The following CSMD1 variants were observed in gnomAD, a reference collection of about 807,000 sequenced individuals.
CSMD1 encodes the protein CUB and Sushi multiple domains 1.
Under a neutral mutation model 417.5 loss-of-function variants are expected in CSMD1, and 213 were observed. That is an observed-to-expected ratio of 0.51 (90% CI 0.46 to 0.57). The LOEUF is 0.57. Ranked by LOEUF, CSMD1 falls within the 20% of genes least tolerant of loss-of-function variation. The pLI is 0.00. For missense variants in CSMD1, 6,923 were observed against 4,529.7 expected, an observed-to-expected ratio of 1.53 and a Z score of -15.17; for synonymous variants, 2,862 against 1,736.8, an observed-to-expected ratio of 1.65 and a Z score of -16.11.
chr8:4,473,258 T>C (rs1216306698), intron 2 of CSMD1, among the ~76,000 whole-genome samples: 1 of 152,202 alleles, frequency 6.6e-6, no homozygotes, highest in Non-Finnish European at 1.5e-5. Flanking sequence ...TTGTAAACTC[T>C]CATGGTTACA....
intron 1 of CSMD1, among the ~76,000 whole-genome samples, chr8:4,665,372 T>C (rs556433086): frequency 2.0e-5 from 3 of 152,288 alleles, no homozygotes; most frequent in African/African-American, 7.2e-5. Context: ...AACCACCCGT[T>C]TTAGGTGAAC....
intron 1 of CSMD1, among the ~76,000 whole-genome samples, chr8:4,770,668 G>C (rs943418225): frequency 6.6e-6 from 1 of 152,018 alleles, no homozygotes; most frequent in Admixed American, 6.6e-5. Context: ...AGCATATATG[G>C]TCAGCTAATT....
At chr8:4,041,768 G>A (rs371631411) in intron 3 of CSMD1, among the ~76,000 whole-genome samples, 1 of 152,042 alleles carries the variant, frequency 6.6e-6, no homozygotes, top group Non-Finnish European at 1.5e-5. Context: ...GGAACATGTT[G>A]TCTTGAGACA....
chr8:4,195,510 T>G (rs928150666), intron 3 of CSMD1, among the ~76,000 whole-genome samples: 1 of 152,222 alleles, frequency 6.6e-6, no homozygotes, highest in Non-Finnish European at 1.5e-5. Flanking sequence ...CATCTCTGTA[T>G]GATCCCCTGC....
chr8:3,619,235 A>C (rs1034216042), intron 7 of CSMD1, among the ~76,000 whole-genome samples: 1 of 152,202 alleles, frequency 6.6e-6, no homozygotes, highest in Non-Finnish European at 1.5e-5. Flanking sequence ...AAACCCAGAC[A>C]GGACATGTAC....
intron 3 of CSMD1, among the ~76,000 whole-genome samples, chr8:4,396,592 A>C (rs991984144): frequency 6.6e-6 from 1 of 151,738 alleles, no homozygotes; most frequent in African/African-American, 2.4e-5. Flanking sequence ...CCCATCAAGC[A>C]ATGAGTGCAT....
chr8:3,722,589 C>A (rs940906900), intron 6 of CSMD1, among the ~76,000 whole-genome samples: 1 of 152,120 alleles, frequency 6.6e-6, no homozygotes, highest in Non-Finnish European at 1.5e-5. Context: ...TAATAACTCA[C>A]CTTAAAAGGA....
At chr8:3,795,276 C>CACATAT (rs1800003352) in intron 5 of CSMD1, among the ~76,000 whole-genome samples, 1 of 54,538 alleles carries the variant, frequency 1.8e-5, no homozygotes, top group South Asian at 5.5e-4. Flanking sequence ...CTATCATGTA[C>CACATAT]AGATATATAT....
intron 1 of CSMD1, among the ~76,000 whole-genome samples, chr8:4,842,753 G>C (rs141078244): frequency 1.3e-5 from 2 of 152,178 alleles, no homozygotes; most frequent in African/African-American, 4.8e-5. Context: ...TATTATGCTA[G>C]CATTGAAAAG....
intron 20 of CSMD1, among the ~76,000 whole-genome samples, chr8:3,361,829 C>T (rs1488666501): frequency 6.6e-6 from 1 of 152,004 alleles, no homozygotes; most frequent in Non-Finnish European, 1.5e-5. Flanking sequence ...CTGAAAGCAA[C>T]TTAGAAGGAC....
chr8:4,090,154 G>C (rs534822127), intron 3 of CSMD1, among the ~76,000 whole-genome samples: 12 of 152,196 alleles, frequency 7.9e-5, no homozygotes, highest in Admixed American at 2.0e-4. Context: ...GTCTTAATTG[G>C]CTTGATACTG....
chr8:3,801,950 G>T (rs1326308536), intron 5 of CSMD1, among the ~76,000 whole-genome samples: 1 of 152,176 alleles, frequency 6.6e-6, no homozygotes, highest in East Asian at 1.9e-4. Flanking sequence ...AACAGAAAAT[G>T]ACTGATAATA....
chr8:3,785,892 C>T (rs757795447), intron 5 of CSMD1, among the ~76,000 whole-genome samples: 2 of 152,190 alleles, frequency 1.3e-5, no homozygotes, highest in African/African-American at 4.8e-5. Context: ...TGTGTCTAAA[C>T]ATTAACAAGA....
At chr8:3,303,766 G>A (rs987401907) in intron 25 of CSMD1, among the ~76,000 whole-genome samples, 7 of 152,148 alleles carry the variant, frequency 4.6e-5, no homozygotes, top group African/African-American at 1.4e-4. Context: ...GAAATATGCT[G>A]GATCTCTTAG....
At chr8:3,377,193 G>A (rs1350885403) in intron 18 of CSMD1, among the ~76,000 whole-genome samples, 1 of 152,102 alleles carries the variant, frequency 6.6e-6, no homozygotes, top group Non-Finnish European at 1.5e-5. Flanking sequence ...GTTTTTTTGT[G>A]TGGAAATGGG....
chr8:3,562,237 G>C (rs1329456739), intron 10 of CSMD1, among the ~76,000 whole-genome samples: 1 of 152,140 alleles, frequency 6.6e-6, no homozygotes, highest in African/African-American at 2.4e-5. Flanking sequence ...TATCATACTT[G>C]TTAAAGGAAC....
rs190112250 is a variant in CSMD1 at position 4,229,450 on chromosome 8, G to A, written c.415+190503C>T. Among the ~76,000 whole-genome samples, 18 of 152,288 alleles carry A rather than the reference G, an allele frequency of 1.2e-4. No homozygotes were observed. The East Asian group carries it at 3.5e-3, about 29-fold the overall frequency. ...TCATTATCTTTTCAACAACCTTACA[G>A]AAGACCCACAATCACCAACAAGCAC... On this transcript the variant is annotated intron_variant, in intron 3 of 69. Coordinates refer to ENST00000635120, the MANE Select transcript of CSMD1 (RefSeq NM_033225.6).
intron 1 of CSMD1, among the ~76,000 whole-genome samples, chr8:4,746,766 G>A (rs1018637986): frequency 2.6e-5 from 4 of 152,150 alleles, no homozygotes; most frequent in Non-Finnish European, 5.9e-5. Flanking sequence ...CTACAGCAGC[G>A]AGGTCATTCT....
intron 3 of CSMD1, among the ~76,000 whole-genome samples, chr8:4,133,938 T>C (rs1563167327): frequency 6.6e-6 from 1 of 152,330 alleles, no homozygotes; most frequent in Non-Finnish European, 1.5e-5. Context: ...TCTTGATGTT[T>C]TCTTTTTCAG....
Sources: allele counts gnomAD v4.1 joint callset (sites outside exome capture counted in the v4.1 genomes callset), GRCh38; gene constraint gnomAD v4.1.1; transcripts MANE v1.5; gene names NCBI Gene and HGNC (gene_info 2026-07-23, HGNC 2026-07-21).